The following DOP1B variants were observed in gnomAD, a reference collection of about 807,000 sequenced individuals.
The protein encoded by DOP1B is protein DOP1B.
Under a neutral mutation model 233.5 loss-of-function variants are expected in DOP1B, and 174 were observed. The observed-to-expected ratio is 0.75, with a 90% CI of 0.66 to 0.85. DOP1B has a LOEUF of 0.85. Ranked by LOEUF, DOP1B falls within the 40% of genes least tolerant of loss-of-function variation. The pLI is 0.00. For missense variants in DOP1B, 2,652 were observed against 2,846.6 expected, an observed-to-expected ratio of 0.93 and a Z score of 1.56; for synonymous variants, 1,190 against 1,185.6, an observed-to-expected ratio of 1.00 and a Z score of -0.08.
chr21:36,164,955 A>G (rs1456832509), intron 2 of DOP1B, 84 bp downstream of exon 2: 3 of 1,199,296 alleles, frequency 2.5e-6, no homozygotes, highest in Non-Finnish European at 2.2e-6. Context: ...ACATGATTAT[A>G]TTATTTGTAT....
intron 4 of DOP1B, among the ~76,000 whole-genome samples, chr21:36,203,646 G>GGT (rs1555888954): frequency 6.6e-6 from 1 of 151,944 alleles, no homozygotes; most frequent in Non-Finnish European, 1.5e-5. Context: ...GGGTGCAGTG[G>GGT]GGGGGGTCAT....
chr21:36,230,559 G>T lies in DOP1B; in HGVS notation c.1775G>T (p.Gly592Val). 6.2e-7 allele frequency: 1 copy of T among 1,614,222 alleles called. No homozygotes were observed. The highest frequency in any genetic ancestry group is 8.5e-7 in the Non-Finnish European group (1 of 1,180,052). Residue 592 changes from glycine to valine, a missense_variant, in exon 14 of 37, where the codon GGG (glycine) becomes GTG (valine). This residue lies in a region of DOP1B where 2,617 missense variants were observed against 2,794.3 expected (regional missense o/e 0.94). Coordinates refer to ENST00000691173, the MANE Select transcript of DOP1B (RefSeq NM_001320714.2). ...PPLKSEDSGI[G>V]LSASSPELSE... The stretch of plus-strand genomic sequence containing the variant: ...CTGAAGTCTGAGGACAGTGGGATCG[G>T]GCTCAGTGCCTCGTCACCGGAGCTC...
chr21:36,218,010 T>C (rs2066581150), intron 9 of DOP1B, among the ~76,000 whole-genome samples: 1 of 152,138 alleles, frequency 6.6e-6, no homozygotes, highest in Non-Finnish European at 1.5e-5. Flanking sequence ...TAACAGTCAC[T>C]TAATTTACTC....
At chr21:36,271,853 C>A (rs1375086084) in intron 27 of DOP1B, among the ~76,000 whole-genome samples, 5 of 151,514 alleles carry the variant, frequency 3.3e-5, no homozygotes, top group Non-Finnish European at 5.9e-5. Flanking sequence ...GCAAATCAAG[C>A]TGGGAGGGTT....
chr21:36,211,875 G>C (rs2066502027), intron 6 of DOP1B, 99 bp from the exon 7 acceptor site: 4 of 1,556,776 alleles, frequency 2.6e-6, no homozygotes, highest in African/African-American at 2.7e-5. Flanking sequence ...CCCATTTTGA[G>C]ATAGAGCTTT....
intron 2 of DOP1B, among the ~76,000 whole-genome samples, chr21:36,181,527 C>G (rs1043131619): frequency 6.6e-6 from 1 of 152,190 alleles, no homozygotes; most frequent in Non-Finnish European, 1.5e-5. Context: ...GATCCACCCC[C>G]CTCAGCCTCC....
In DOP1B at chr21:36,204,200, A is replaced by G. The variant is rs183430080; in HGVS notation, c.491+3699A>G. 1.4e-4 allele frequency among the ~76,000 whole-genome samples: 22 copies of G among 152,324 alleles called. No homozygotes were observed. In the East Asian group the frequency reaches 3.9e-3, roughly 27 times the overall value. ...TCCAGGAGCTGCTGAACATTTTACA[A>G]TGCACACAGGTGCCCCGACAACAAA... On this transcript the variant is annotated intron_variant, in intron 4 of 36. Coordinates refer to ENST00000691173, the MANE Select transcript of DOP1B (RefSeq NM_001320714.2).
At chr21:36,288,630 G>C (rs981780919) in intron 33 of DOP1B, 126 bp from the exon 34 acceptor site, 9 of 722,980 alleles carry the variant, frequency 1.2e-5, no homozygotes, top group East Asian at 8.2e-5. Context: ...CAGACTGGGT[G>C]ACAGAGTAAG....
intron 33 of DOP1B, among the ~76,000 whole-genome samples, chr21:36,288,529 C>CA (rs2067515364): frequency 6.6e-6 from 1 of 151,914 alleles, no homozygotes; most frequent in Non-Finnish European, 1.5e-5. Flanking sequence ...TCCTTGTCTA[C>CA]AAAAAAATAC....
At chr21:36,162,289 A>G (rs1445114604) in intron 1 of DOP1B, among the ~76,000 whole-genome samples, 1 of 152,080 alleles carries the variant, frequency 6.6e-6, no homozygotes, top group African/African-American at 2.4e-5. Context: ...CAACCTCCCA[A>G]ACTCAAGTGA....
At chr21:36,185,341 T>G (rs1391876508) in intron 2 of DOP1B, among the ~76,000 whole-genome samples, 1 of 152,142 alleles carries the variant, frequency 6.6e-6, no homozygotes, top group Non-Finnish European at 1.5e-5. Context: ...TTTCCTGTGG[T>G]TTATTGCAGA....
chr21:36,184,749 T>C (rs1441835261), intron 2 of DOP1B, among the ~76,000 whole-genome samples: 2 of 152,190 alleles, frequency 1.3e-5, no homozygotes, highest in African/African-American at 4.8e-5. Context: ...GCAGCCCACG[T>C]GCGCTTCAGG....
rs1156792675 is a variant in DOP1B, at chr21:36,246,534, C to T, written c.4554C>T (p.Ala1518=). 1 of 1,614,202 alleles carries T rather than the reference C, an allele frequency of 6.2e-7. No individual in the cohort carries two copies. The highest frequency in any genetic ancestry group is 8.5e-7 in the Non-Finnish European group (1 of 1,180,038). The change falls in exon 19 of 37, where the codon GCC becomes GCT. Residue 1518 remains alanine, a synonymous_variant. Coordinates refer to ENST00000691173, the MANE Select transcript of DOP1B (RefSeq NM_001320714.2). The surrounding 1 kb of genome is among the most constrained non-coding windows in gnomAD (Gnocchi z 5.1). ...QPAYGYGMHP[A]WVSLVTHSLP... is the part of the protein sequence containing the mutation. ...CCTACGGTTACGGCATGCATCCGGCCTGGGTGAGCTTGGTCACGCATTCCT... is the reference window on the plus strand; with the variant it reads ...CCTACGGTTACGGCATGCATCCGGCTTGGGTGAGCTTGGTCACGCATTCCT...
At chr21:36,279,621 T>C (rs1246195875) in intron 30 of DOP1B, among the ~76,000 whole-genome samples, 2 of 152,134 alleles carry the variant, frequency 1.3e-5, no homozygotes, top group African/African-American at 4.8e-5. Flanking sequence ...AAAGAAAAGC[T>C]AAGGGTGGTA....
chr21:36,241,268 T>C (rs1481298560), intron 18 of DOP1B, among the ~76,000 whole-genome samples: 1 of 151,390 alleles, frequency 6.6e-6, no homozygotes, highest in East Asian at 2.0e-4. Context: ...CACTCCAGCC[T>C]GGGCAAAAGA....
chr21:36,261,925 ATG>A (rs2067176525), intron 24 of DOP1B: 1 of 980,674 alleles, frequency 1.0e-6, no homozygotes, highest in Admixed American at 6.2e-5. Flanking sequence ...AGGAAAAAAA[ATG>A]GGGGTGGGAA....
At chr21:36,266,864 C>T (rs907594543) in intron 26 of DOP1B, among the ~76,000 whole-genome samples, 5 of 152,220 alleles carry the variant, frequency 3.3e-5, no homozygotes, top group African/African-American at 1.2e-4. Flanking sequence ...TCCACAATAT[C>T]ACACCCGTCC....
intron 17 of DOP1B, among the ~76,000 whole-genome samples, chr21:36,239,051 C>T (rs1010795089): frequency 2.6e-5 from 4 of 151,970 alleles, no homozygotes; most frequent in East Asian, 1.9e-4. Flanking sequence ...TGCAGTGAGC[C>T]GAGACTGCGC....
intron 2 of DOP1B, among the ~76,000 whole-genome samples, chr21:36,168,611 C>G (rs146574313): frequency 3.9e-5 from 6 of 152,130 alleles, no homozygotes; most frequent in African/African-American, 9.6e-5. Context: ...CCTGCAACCT[C>G]CACCTCCTGG....
Sources: gnomAD v4.1 joint callset for allele counts (sites outside exome capture counted in the v4.1 genomes callset) on GRCh38, gnomAD v4.1.1 for gene constraint, gnomAD v4.1.1 regional missense constraint, Gnocchi (gnomAD v3.1) non-coding constraint, MANE v1.5 for transcripts, NCBI Gene and HGNC (gene_info 2026-07-23, HGNC 2026-07-21) for gene names.